Variants in PCDH9 observed in about 807,000 individuals in gnomAD.
PCDH9 encodes the protein protocadherin 9.
In PCDH9, 24 loss-of-function variants were observed where a neutral mutation model predicts 70.6. The ratio of observed to expected loss-of-function variants is 0.34; its 90% CI spans 0.25 to 0.48. The LOEUF (loss-of-function observed/expected upper bound fraction) is 0.48, where lower values mean the gene tolerates loss of function less well. Ranked by LOEUF, PCDH9 falls within the 20% of genes least tolerant of loss-of-function variation. The pLI is 0.99. For synonymous variants in PCDH9, 562 were observed against 558.5 expected, an observed-to-expected ratio of 1.01 and a Z score of -0.09; for missense variants, 1,281 against 1,503.6, an observed-to-expected ratio of 0.85 and a Z score of 2.45.
At chr13:66,480,012 C>G (rs1958808766) in intron 4 of PCDH9, among the ~76,000 whole-genome samples, 1 of 152,136 alleles carries the variant, frequency 6.6e-6, no homozygotes, top group South Asian at 2.1e-4. Context: ...TGGGTCTGCA[C>G]CACATTTAAG....
At chr13:67,103,872 A>T (rs1370909985) in intron 2 of PCDH9, among the ~76,000 whole-genome samples, 2 of 152,192 alleles carry the variant, frequency 1.3e-5, no homozygotes, top group Admixed American at 1.3e-4. Flanking sequence ...GCAGTTGTGT[A>T]CATGGCTAAG....
chr13:67,076,697 T>G (rs1004845730), intron 2 of PCDH9, among the ~76,000 whole-genome samples: 9 of 152,170 alleles, frequency 5.9e-5, no homozygotes, highest in African/African-American at 2.2e-4. Flanking sequence ...CTATGAAAAC[T>G]ATTAATAGAA....
At chr13:67,040,331 G>T (rs948766993) in intron 2 of PCDH9, among the ~76,000 whole-genome samples, 1 of 152,116 alleles carries the variant, frequency 6.6e-6, no homozygotes, top group East Asian at 1.9e-4. Flanking sequence ...CCCTGAAACT[G>T]CTCGTGGTGG....
intron 3 of PCDH9, among the ~76,000 whole-genome samples, chr13:66,822,494 A>ATTTT (rs57689980): frequency 8.5e-6 from 1 of 118,160 alleles, no homozygotes; most frequent in Admixed American, 9.8e-5. Context: ...ATGTCCTGGA[A>ATTTT]TTTTTTTTTT....
intron 2 of PCDH9, among the ~76,000 whole-genome samples, chr13:67,054,014 C>T (rs1282587342): frequency 2.0e-5 from 3 of 152,152 alleles, no homozygotes; most frequent in African/African-American, 7.2e-5. Flanking sequence ...AGTGTAAGGA[C>T]ACACATTGCC....
At chr13:66,394,752 GT>G (rs1566292880) in intron 4 of PCDH9, among the ~76,000 whole-genome samples, 1 of 152,162 alleles carries the variant, frequency 6.6e-6, no homozygotes, top group African/African-American at 2.4e-5. Context: ...ATAAAAAGGA[GT>G]GGGTTAGATG....
chr13:66,465,194 A>C (rs996252429), intron 4 of PCDH9, among the ~76,000 whole-genome samples: 4 of 151,926 alleles, frequency 2.6e-5, no homozygotes, highest in African/African-American at 9.7e-5. Flanking sequence ...GAAAATCAAA[A>C]GTATTAGGAT....
chr13:66,373,414 T>G (rs1956693998), intron 4 of PCDH9, among the ~76,000 whole-genome samples: 1 of 151,982 alleles, frequency 6.6e-6, no homozygotes, highest in African/African-American at 2.4e-5. Context: ...TTCTGGAGAT[T>G]AGTTGTTCAA....
At chr13:66,606,558 G>T (rs566606784) in intron 4 of PCDH9, among the ~76,000 whole-genome samples, 1 of 152,142 alleles carries the variant, frequency 6.6e-6, no homozygotes, top group Admixed American at 6.5e-5. Flanking sequence ...GTAATAATAG[G>T]AAAGCATAAT....
chr13:66,745,374 C>T (rs769502918), intron 3 of PCDH9, among the ~76,000 whole-genome samples: 9 of 152,138 alleles, frequency 5.9e-5, no homozygotes, highest in Non-Finnish European at 8.8e-5. Flanking sequence ...AGACGAGTGC[C>T]ATCTCAAAAT....
Position 66,920,754 on chromosome 13 carries a change from C to T in PCDH9, c.3037-17149G>A, listed in dbSNP as rs138036060. Among the ~76,000 whole-genome samples the T allele has an allele frequency of 5.2e-3, 785 of 151,184 alleles. 6 individuals are homozygous for T. The highest frequency in any genetic ancestry group is 0.018 in the African/African-American group (743 of 41,406). ...ATTTCATACTCCAAATCAATTATAT[C>T]GTGTGAATTCCTGTTTCCAGTGAGC... On this transcript the variant is annotated intron_variant, in intron 2 of 4. Transcript: ENST00000377865.
chr13:66,968,694 A>G (rs542106482), intron 2 of PCDH9, among the ~76,000 whole-genome samples: 45 of 152,174 alleles, frequency 3.0e-4, no homozygotes, highest in Non-Finnish European at 5.3e-4. Flanking sequence ...CATTAAAATC[A>G]TTGTTAAAAA....
intron 2 of PCDH9, among the ~76,000 whole-genome samples, chr13:67,012,727 A>C (rs2084475449): frequency 6.6e-6 from 1 of 151,990 alleles, no homozygotes; most frequent in Admixed American, 6.6e-5. Flanking sequence ...CCTCTCCTCC[A>C]ACTAAATCAA....
At chr13:66,370,926 G>C (rs939260262) in intron 4 of PCDH9, among the ~76,000 whole-genome samples, 2 of 151,960 alleles carry the variant, frequency 1.3e-5, no homozygotes, top group Middle Eastern at 3.2e-3. Context: ...TTAAAGTCAT[G>C]TTATTCAACT....
intron 2 of PCDH9, among the ~76,000 whole-genome samples, chr13:67,107,361 AC>A (rs2086568499): frequency 6.6e-6 from 1 of 152,108 alleles, no homozygotes; most frequent in South Asian, 2.1e-4. Context: ...GCCCATGGCC[AC>A]CCATAGGCCA....
intron 2 of PCDH9, among the ~76,000 whole-genome samples, chr13:66,986,374 T>C (rs554553912): frequency 1.3e-5 from 2 of 152,114 alleles, no homozygotes; most frequent in South Asian, 4.1e-4. Flanking sequence ...AGTCTCTTCA[T>C]CACATCACCC....
intron 2 of PCDH9, among the ~76,000 whole-genome samples, chr13:67,099,201 C>G (rs561681651): frequency 1.2e-4 from 19 of 152,292 alleles, no homozygotes; most frequent in Middle Eastern, 3.4e-3. Flanking sequence ...TCTTGATGTT[C>G]CAGTTCTTCT....
Position 67,131,628 on chromosome 13 carries a change from G to T in PCDH9, c.3036+93777C>A, listed in dbSNP as rs144123514. On this transcript the variant is annotated intron_variant, in intron 2 of 4. Transcript: ENST00000377865. ...TTTCAATATGCATTAATACAATTAT[G>T]GGGGAGTGTAGCAAAAAAAAGAAAA... is the stretch of plus-strand genomic sequence containing the variant. Among the ~76,000 whole-genome samples, 482 of 152,132 alleles carry T rather than the reference G, an allele frequency of 3.2e-3. 5 individuals are homozygous for T. The highest frequency in any genetic ancestry group is 0.011 in the African/African-American group (451 of 41,518).
intron 3 of PCDH9, among the ~76,000 whole-genome samples, chr13:66,669,791 G>C (rs974295628): frequency 6.6e-6 from 1 of 152,046 alleles, no homozygotes; most frequent in African/African-American, 2.4e-5. Context: ...TCCACGGTGG[G>C]AAAAACAAAC....
Sources: gnomAD v4.1 joint callset for allele counts (sites outside exome capture counted in the v4.1 genomes callset) on GRCh38, gnomAD v4.1.1 for gene constraint, MANE v1.5 for transcripts, NCBI Gene and HGNC (gene_info 2026-07-23, HGNC 2026-07-21) for gene names.